LDLRAD3: variants seen among roughly 807,000 people sequenced by gnomAD.
LDLRAD3 encodes low density lipoprotein receptor class A domain containing 3, also known as low-density lipoprotein receptor class A domain-containing protein 3.
A neutral mutation model predicts 29.4 loss-of-function variants in LDLRAD3; 20 were observed. That is an observed-to-expected ratio of 0.68 (90% CI 0.48 to 0.99). LDLRAD3 has a LOEUF of 0.99. LDLRAD3 is among the 50% of genes least tolerant of loss of function. The probability of loss-of-function intolerance (pLI) is 0.00; values close to 1 mark genes in which losing one functional copy is unlikely to be tolerated. For missense variants in LDLRAD3, 420 were observed against 454.3 expected (o/e 0.92, Z 0.69); for synonymous variants, 157 against 192.7 (o/e 0.81, Z 1.53).
At chr11:36,144,401 T>G (rs1201070648) in intron 4 of LDLRAD3, among the ~76,000 whole-genome samples, 1 of 142,250 alleles carries the variant, frequency 7.0e-6, no homozygotes, top group Non-Finnish European at 1.6e-5. Context: ...TCATCTGGGA[T>G]GTGAGGAGCC....
chr11:36,152,698 A>T (rs1854293773), intron 4 of LDLRAD3, among the ~76,000 whole-genome samples: 1 of 152,206 alleles, frequency 6.6e-6, no homozygotes, highest in Admixed American at 6.5e-5. Context: ...TGCAGAAAAA[A>T]GTTGAAATAG....
chr11:36,217,858 C>T (rs12292227), intron 4 of LDLRAD3, among the ~76,000 whole-genome samples: 2,122 of 152,308 alleles, frequency 0.014, 62 homozygotes, highest in African/African-American at 0.048. Context: ...GTTTCTGTGT[C>T]ATCTCCTTCT....
chr11:36,098,271 G>T (rs769491208), intron 3 of LDLRAD3, 56 bp from the exon 4 acceptor site: 15 of 1,606,624 alleles, frequency 9.3e-6, no homozygotes, highest in Non-Finnish European at 1.2e-5. Context: ...AAGTTCCAGG[G>T]TCCCCAAGGG....
At chr11:35,983,175 C>G (rs2133159175) in intron 1 of LDLRAD3, among the ~76,000 whole-genome samples, 1 of 152,274 alleles carries the variant, frequency 6.6e-6, no homozygotes, top group South Asian at 2.1e-4. Flanking sequence ...TTGAACTAAT[C>G]CTGGGAACTT....
intron 1 of LDLRAD3, among the ~76,000 whole-genome samples, chr11:35,994,125 C>T (rs574928619): frequency 7.2e-5 from 11 of 151,832 alleles, no homozygotes; most frequent in South Asian, 2.1e-4. Context: ...AGCAGGGTTC[C>T]GGGAGCCTAC....
rs1190892118 is a variant in LDLRAD3 at position 36,231,305 on chromosome 11, A to G, written c.*1908A>G. 1 of 152,142 alleles carries G rather than the reference A, an allele frequency of 6.6e-6. No individual in the cohort carries two copies. The highest frequency in any genetic ancestry group is 1.5e-5 in the Non-Finnish European group (1 of 68,024). The allele number at this position is 152,142 out of a possible 1,614,324, so 9.4% of individuals were successfully genotyped here. On this transcript the variant is annotated 3_prime_UTR_variant, in exon 6 of 6. Coordinates refer to ENST00000315571, the MANE Select transcript of LDLRAD3 (RefSeq NM_174902.4). ...TTTGTTTTGTTTAAAAAAAAAAAGA[A>G]AGAAAGAAAGAAAGAAAAACGGAAA...
At chr11:36,096,729 G>T (rs1487046349) in intron 3 of LDLRAD3, among the ~76,000 whole-genome samples, 1 of 152,252 alleles carries the variant, frequency 6.6e-6, no homozygotes, top group Non-Finnish European at 1.5e-5. Context: ...CTTAGAAGGG[G>T]ACCATGCTTG....
At chr11:35,998,547 C>CA (rs929696918) in intron 1 of LDLRAD3, among the ~76,000 whole-genome samples, 1 of 152,014 alleles carries the variant, frequency 6.6e-6, no homozygotes, top group African/African-American at 2.4e-5. Context: ...AACAACAAAA[C>CA]AAAAAACAGT....
At chr11:35,996,200 G>A (rs938443753) in intron 1 of LDLRAD3, among the ~76,000 whole-genome samples, 4 of 152,098 alleles carry the variant, frequency 2.6e-5, no homozygotes, top group African/African-American at 7.2e-5. Context: ...GATGTACAAC[G>A]CTTTCTTCCT....
intron 4 of LDLRAD3, among the ~76,000 whole-genome samples, chr11:36,126,288 G>A (rs1033724193): frequency 4.6e-5 from 7 of 152,104 alleles, no homozygotes; most frequent in African/African-American, 4.8e-5. Flanking sequence ...GTTCCTGGGC[G>A]TGAATCTGCT....
chr11:36,128,151 GCAATT>G (rs1853869602), intron 4 of LDLRAD3, among the ~76,000 whole-genome samples: 1 of 88,712 alleles, frequency 1.1e-5, no homozygotes. Flanking sequence ...TGACATGTAG[GCAATT>G]AAACTTAGAA....
chr11:36,195,855 G>A (rs1189093461), intron 4 of LDLRAD3, among the ~76,000 whole-genome samples: 1 of 152,070 alleles, frequency 6.6e-6, no homozygotes, highest in Non-Finnish European at 1.5e-5. Flanking sequence ...CCCCATATGT[G>A]CATAAAATTC....
chr11:36,025,489 C>T (rs946885864), intron 1 of LDLRAD3, among the ~76,000 whole-genome samples: 4 of 151,006 alleles, frequency 2.6e-5, no homozygotes, highest in South Asian at 2.1e-4. Flanking sequence ...CCAGGGTTCA[C>T]GCCATTCTCC....
chr11:36,076,422 T>C (rs577431151), intron 2 of LDLRAD3, among the ~76,000 whole-genome samples: 13 of 152,118 alleles, frequency 8.5e-5, no homozygotes, highest in African/African-American at 3.1e-4. Flanking sequence ...AGTCTCTCTC[T>C]GTCGCCCAGG....
At chr11:36,012,887 A>T (rs564309195) in intron 1 of LDLRAD3, among the ~76,000 whole-genome samples, 2 of 152,346 alleles carry the variant, frequency 1.3e-5, no homozygotes, top group Non-Finnish European at 2.9e-5. Context: ...TGGATGGAAA[A>T]GTTGAAAAGA....
intron 1 of LDLRAD3, among the ~76,000 whole-genome samples, chr11:35,973,351 GACAA>G (rs1274020225): frequency 1.3e-5 from 2 of 152,118 alleles, no homozygotes; most frequent in African/African-American, 4.8e-5. Flanking sequence ...TCTTTGCTGT[GACAA>G]ACAATGTTAC....
intron 1 of LDLRAD3, among the ~76,000 whole-genome samples, chr11:35,947,745 C>T (rs1283445460): frequency 6.6e-6 from 1 of 152,160 alleles, no homozygotes; most frequent in Non-Finnish European, 1.5e-5. Context: ...TAGATTCTAA[C>T]TTAAGCTTCT....
chr11:36,052,308 AT>A (rs2133224332), intron 2 of LDLRAD3, among the ~76,000 whole-genome samples: 1 of 152,328 alleles, frequency 6.6e-6, no homozygotes, highest in East Asian at 1.9e-4. Flanking sequence ...AAGTTCTTTC[AT>A]GCGTATTATC....
intron 1 of LDLRAD3, among the ~76,000 whole-genome samples, chr11:35,953,527 T>G (rs1453968811): frequency 1.3e-5 from 2 of 152,208 alleles, no homozygotes; most frequent in Admixed American, 6.5e-5. Flanking sequence ...TGTGTCCTCT[T>G]TGATGGCATT....
Sources: gnomAD v4.1 joint callset for allele counts (sites outside exome capture counted in the v4.1 genomes callset) on GRCh38, gnomAD v4.1.1 for gene constraint, MANE v1.5 for transcripts, NCBI Gene and HGNC (gene_info 2026-07-23, HGNC 2026-07-21) for gene names.